Variants in INF2 observed in about 807,000 individuals in gnomAD.
INF2 encodes the protein inverted formin 2.
Under a neutral mutation model 123.5 loss-of-function variants are expected in INF2, and 43 were observed. That is an observed-to-expected ratio of 0.35 (90% confidence interval 0.27 to 0.45). The LOEUF (loss-of-function observed/expected upper bound fraction) is 0.45, where lower values mean the gene tolerates loss of function less well. Among genes scored for constraint, INF2 ranks in the 20% least tolerant of loss-of-function variants. INF2 has a pLI of 1.00. For missense variants in INF2, 1,453 were observed against 1,682.7 expected, an observed-to-expected ratio of 0.86 and a Z score of 2.39; for synonymous variants, 851 against 745.0, an observed-to-expected ratio of 1.14 and a Z score of -2.32.
chr14:104,682,235 G>C (rs1888541743), intron 1 of INF2, among the ~76,000 whole-genome samples: 1 of 152,206 alleles, frequency 6.6e-6, no homozygotes, highest in Non-Finnish European at 1.5e-5. Context: ...AGGCAGCAGT[G>C]TGGGGAGGGA....
chr14:104,684,117 T>G lies in INF2; in HGVS notation c.-104+2535T>G, dbSNP rs1888601578. 4.4e-6 allele frequency: 2 copies of G among 455,560 alleles called. No homozygotes were observed. Among genetic ancestry groups the G allele is most frequent in the Admixed American group, 2.4e-5 (1 of 42,520 alleles). The allele number at this position is 455,560 out of a possible 1,614,324, so 28.2% of individuals were successfully genotyped here. On this transcript the variant is annotated intron_variant, in intron 1 of 2. Coordinates refer to the INF2 transcript ENST00000674723. The surrounding 1 kb of genome is among the most constrained non-coding windows in gnomAD (Gnocchi z 5.0). ...GGCACGGACCCCCGACATAAGACAG[T>G]TCAAAGCTGAGCGGCTCTCCCCATC...
intron 1 of INF2, chr14:104,700,750 T>C: frequency 4.5e-6 from 3 of 672,682 alleles, no homozygotes; most frequent in African/African-American, 2.0e-5. Context: ...TTCCTGTTGG[T>C]GTGGGCCCCC....
In INF2 at chr14:104,707,602, C is replaced by T. The variant is rs1306481005; in HGVS notation, c.1335C>T (p.Pro445=). 13 of 1,168,242 alleles carry T rather than the reference C, an allele frequency of 1.1e-5. No individual in the cohort carries two copies. The highest frequency in any genetic ancestry group is 6.4e-5 in the Admixed American group (3 of 47,170). 72.4% of individuals were successfully genotyped at this position (1,168,242 alleles called of 1,614,324 possible). A position where few individuals can be genotyped will look rare whatever the true frequency, so the allele number is the denominator to read the frequency against. The part of the protein sequence containing the change: ...AEPPPPPPPP[P]LPSVGAKALP... ...CCCCTCCCCCTCCCCCACCACCCCCCCTGCCCAGTGTGGGGGCTAAGGCCC... is the reference window on the plus strand; with the variant it reads ...CCCCTCCCCCTCCCCCACCACCCCCTCTGCCCAGTGTGGGGGCTAAGGCCC... The change falls in exon 8 of 23, where the codon CCC becomes CCT. Residue 445 remains proline, a synonymous_variant. Coordinates refer to ENST00000392634, the MANE Select transcript of INF2 (RefSeq NM_022489.4).
chr14:104,690,518 A>C lies in INF2; in HGVS notation c.-10+779A>C, dbSNP rs529497716. On this transcript the variant is annotated intron_variant, in intron 1 of 22. Coordinates refer to ENST00000392634, the MANE Select transcript of INF2 (RefSeq NM_022489.4). ...GGGCTCCCGCAGCTCAGCTGTGACC[A>C]CAGCATTACTGCCCACTCCAGCTGG... 5 of 152,566 alleles carry C rather than the reference A, an allele frequency of 3.3e-5. No individual in the cohort carries two copies. The East Asian group carries it at 9.7e-4, about 29-fold the overall frequency. 9.5% of individuals were successfully genotyped at this position (152,566 alleles called of 1,614,324 possible).
chr14:104,698,670 G>A (rs1708433285), intron 1 of INF2, among the ~76,000 whole-genome samples: 1 of 152,234 alleles, frequency 6.6e-6, no homozygotes, highest in Non-Finnish European at 1.5e-5. Flanking sequence ...TGGCCGTGGT[G>A]TGTTTGCAGG....
Position 104,703,913 on chromosome 14 carries a change from C to T in INF2, c.668-3C>T. 1 of 1,611,242 alleles carries T rather than the reference C, an allele frequency of 6.2e-7. No individual in the cohort carries two copies. Among genetic ancestry groups the T allele is most frequent in the Non-Finnish European group, 8.5e-7 (1 of 1,179,932 alleles). On this transcript the variant is annotated splice_polypyrimidine_tract_variant and splice_region_variant and intron_variant, in intron 4 of 22. Transcript: ENST00000392634. ...CCCTCTGACCCTGTCCGTCCCTTCC[C>T]AGGGCTGCAGCTGCTGGACGTCCTG...
intron 8 of INF2, 64 bp from the exon 9 acceptor site, chr14:104,708,370 CCT>C: frequency 6.3e-7 from 1 of 1,584,338 alleles, no homozygotes. Context: ...GGCTCCAGCC[CCT>C]GCCTGCTGGA....
chr14:104,707,142 A>G (rs955984420), intron 7 of INF2, 91 bp downstream of exon 7: 55 of 1,509,604 alleles, frequency 3.6e-5, no homozygotes, highest in Non-Finnish European at 4.2e-5. Flanking sequence ...CTTGGCCCCA[A>G]CCCATCCTCT....
chr14:104,688,558 A>G (rs1253309916), upstream of INF2, among the ~76,000 whole-genome samples: 1 of 152,158 alleles, frequency 6.6e-6, no homozygotes, highest in Non-Finnish European at 1.5e-5. Flanking sequence ...CTTGACCCTC[A>G]TACAGCCCTT....
chr14:104,703,256 TC>T (rs1889612951), intron 3 of INF2, 36 bp downstream of exon 3: 2 of 1,612,766 alleles, frequency 1.2e-6, no homozygotes, highest in Non-Finnish European at 1.7e-6. Flanking sequence ...CACATGGGGC[TC>T]CCTGCCTGGG....
At position 104,710,122 on chromosome 14, in the gene INF2, G is replaced by A; in HGVS notation, c.2173G>A (p.Glu725Lys). 1 of 1,553,164 alleles carries A rather than the reference G, an allele frequency of 6.4e-7. No individual in the cohort carries two copies. Among genetic ancestry groups the A allele is most frequent in the Non-Finnish European group, 8.7e-7 (1 of 1,148,902 alleles). The change falls in exon 13 of 23, where the codon GAG becomes AAG. Residue 725 changes from glutamate (E) to lysine (K), a missense_variant. Around this residue, in one of 8 missense-constraint regions of INF2, gnomAD observed 192 missense variants for 274.4 expected, o/e 0.70. Transcript: ENST00000392634. ...GCGAATCGAGTGCATGCTGCTGTGTGAGGGCGCGGCCGCCGTGCTGGACAT... is the reference window on the plus strand; with the variant it reads ...GCGAATCGAGTGCATGCTGCTGTGTAAGGGCGCGGCCGCCGTGCTGGACAT... ...QLRIECMLLC[E>K]GAAAVLDMVR... is the part of the protein sequence containing the mutation.
At chr14:104,715,900 C>G (rs1029176592) in intron 22 of INF2, 29 of 456,396 alleles carry the variant, frequency 6.4e-5, no homozygotes, top group Admixed American at 2.1e-4. Flanking sequence ...ACTGCAACCC[C>G]CCTCCTGTTG....
chr14:104,712,658 C>T, intron 17 of INF2, 105 bp downstream of exon 17: 3 of 1,558,808 alleles, frequency 1.9e-6, no homozygotes, highest in Non-Finnish European at 2.6e-6. Flanking sequence ...ATCCTGGGGC[C>T]CGAGTTTCCC....
At chr14:104,714,051 T>C (rs1890176693) in intron 20 of INF2, among the ~76,000 whole-genome samples, 152 bp from the exon 21 acceptor site, 1 of 152,178 alleles carries the variant, frequency 6.6e-6, no homozygotes, top group African/African-American at 2.4e-5. Context: ...CCAAGGACGC[T>C]GAGGCCGGGT....
chr14:104,709,423 C>T (rs778868767), intron 11 of INF2, 40 bp downstream of exon 11: 1 of 1,522,200 alleles, frequency 6.6e-7, no homozygotes, highest in Non-Finnish European at 9.1e-7. Flanking sequence ...CAGTTAGTGC[C>T]ACCAACCAAG....
Position 104,707,148 on chromosome 14 carries a change from C to T in INF2, c.985+97C>T, listed in dbSNP as rs78197310. On this transcript the variant is annotated intron_variant, in intron 7 of 22. Transcript: ENST00000392634. ...GAGCCTGCCCTTGGCCCCAACCCAT[C>T]CTCTGCCCAGGGGAGGTGGCCGCTT... 1.5e-4 allele frequency: 229 copies of T among 1,508,252 alleles called. No homozygotes were observed. In the East Asian group the frequency reaches 5.3e-3, roughly 35 times the overall value. The allele number at this position is 1,508,252 out of a possible 1,614,324, so 93.4% of individuals were successfully genotyped here.
rs199612826 is a variant in INF2 at position 104,708,418 on chromosome 14, C to G, written c.1736-18C>G. ...CCGGGGCTGCGAGAGCCTCACTGGCCGTGTCCCCACCCGACAGAGCACAAC... is the reference window on the plus strand; with the variant it reads ...CCGGGGCTGCGAGAGCCTCACTGGCGGTGTCCCCACCCGACAGAGCACAAC... On this transcript the variant is annotated intron_variant, in intron 8 of 22. Coordinates refer to ENST00000392634, the MANE Select transcript of INF2 (RefSeq NM_022489.4). 8.4e-5 allele frequency: 136 copies of G among 1,610,280 alleles called. No homozygotes were observed. Among genetic ancestry groups the G allele is most frequent in the Admixed American group, 3.8e-4 (23 of 59,964 alleles).
chr14:104,716,161 A>C, intron 22 of INF2: 4 of 355,830 alleles, frequency 1.1e-5, no homozygotes, highest in Non-Finnish European at 2.2e-5. Flanking sequence ...GGCGTCTTCC[A>C]GCACCTCCAG....
upstream of INF2, among the ~76,000 whole-genome samples, chr14:104,686,587 T>C (rs923315301): frequency 1.2e-4 from 18 of 152,050 alleles, no homozygotes; most frequent in African/African-American, 3.6e-4. Flanking sequence ...TCTGTAACAA[T>C]GTCAGAGATC....
Sources: gnomAD v4.1 joint callset for allele counts (sites outside exome capture counted in the v4.1 genomes callset) on GRCh38, gnomAD v4.1.1 for gene constraint, gnomAD v4.1.1 regional missense constraint, Gnocchi (gnomAD v3.1) non-coding constraint, MANE v1.5 for transcripts, NCBI Gene and HGNC (gene_info 2026-07-23, HGNC 2026-07-21) for gene names.